Variants in CRTC3 observed in about 807,000 individuals in gnomAD.
The protein encoded by CRTC3 is CREB-regulated transcription coactivator 3.
In CRTC3, 26 loss-of-function variants were observed where a neutral mutation model predicts 74.5. The observed-to-expected ratio is 0.35, with a 90% CI of 0.26 to 0.48. The LOEUF (loss-of-function observed/expected upper bound fraction) is 0.48. Ranked by LOEUF, CRTC3 falls within the 20% of genes least tolerant of loss-of-function variation. The pLI is 0.99. For missense variants in CRTC3, 760 were observed against 787.3 expected, an observed-to-expected ratio of 0.97 and a Z score of 0.41; for synonymous variants, 377 against 325.8, an observed-to-expected ratio of 1.16 and a Z score of -1.69.
intron 3 of CRTC3, among the ~76,000 whole-genome samples, chr15:90,601,992 C>T (rs1031870143): frequency 6.6e-6 from 1 of 152,164 alleles, no homozygotes; most frequent in African/African-American, 2.4e-5. Flanking sequence ...GACTAGAATC[C>T]TGGGCCTGGG....
intron 2 of CRTC3, among the ~76,000 whole-genome samples, chr15:90,547,704 A>G (rs1966846718): frequency 6.6e-6 from 1 of 152,074 alleles, no homozygotes; most frequent in African/African-American, 2.4e-5. Flanking sequence ...AGTGGGCATT[A>G]TCTTCTTCTC....
chr15:90,579,800 C>A (rs1022415927), intron 2 of CRTC3, among the ~76,000 whole-genome samples: 1 of 151,974 alleles, frequency 6.6e-6, no homozygotes, highest in African/African-American at 2.4e-5. Flanking sequence ...CGCCACCATG[C>A]CCAGCTAATT....
chr15:90,623,522 T>C (rs923674509), intron 9 of CRTC3, among the ~76,000 whole-genome samples: 1 of 152,074 alleles, frequency 6.6e-6, no homozygotes, highest in Non-Finnish European at 1.5e-5. Flanking sequence ...TGTTCTTGAG[T>C]CCTACTTCCC....
At chr15:90,634,669 C>G (rs933620845) in intron 11 of CRTC3, 3 of 584,454 alleles carry the variant, frequency 5.1e-6, no homozygotes, top group Non-Finnish European at 6.2e-6. Flanking sequence ...CACTGAGGGG[C>G]TGTCTCCTTG....
chr15:90,573,973 T>TA (rs1016985626), intron 2 of CRTC3, among the ~76,000 whole-genome samples: 2 of 152,214 alleles, frequency 1.3e-5, no homozygotes, highest in Admixed American at 6.6e-5. Flanking sequence ...TAGTTGACCA[T>TA]ACACATGTCT....
At chr15:90,584,188 G>A (rs539915120) in intron 2 of CRTC3, among the ~76,000 whole-genome samples, 1 of 151,358 alleles carries the variant, frequency 6.6e-6, no homozygotes, top group East Asian at 1.9e-4. Flanking sequence ...CAAGCTTCAG[G>A]AACCTGCCTT....
intron 9 of CRTC3, among the ~76,000 whole-genome samples, chr15:90,624,001 C>T (rs1968740417): frequency 6.6e-6 from 1 of 152,188 alleles, no homozygotes; most frequent in South Asian, 2.1e-4. Flanking sequence ...GAAGCCTCCC[C>T]AGGTCAGCTG....
chr15:90,537,544 T>C (rs8027179), intron 1 of CRTC3, among the ~76,000 whole-genome samples: 98,262 of 152,110 alleles, frequency 0.65, 32,602 homozygotes, highest in Non-Finnish European at 0.7. Flanking sequence ...CCACCATGCC[T>C]GGCTAATTTT....
chr15:90,610,099 G>C (rs1968322837), intron 6 of CRTC3, among the ~76,000 whole-genome samples: 1 of 152,158 alleles, frequency 6.6e-6, no homozygotes, highest in East Asian at 1.9e-4. Context: ...TATTTCTGGA[G>C]AATTATATTT....
chr15:90,643,183 GGAGT>G lies in CRTC3; in HGVS notation c.*1049_*1052del, dbSNP rs1567201379. The G allele has an allele frequency of 4.3e-6, 1 of 232,520 alleles. No homozygotes were observed. Among genetic ancestry groups the G allele is most frequent in the Non-Finnish European group, 8.5e-6 (1 of 117,648 alleles). 14.4% of individuals were successfully genotyped at this position (232,520 alleles called of 1,614,324 possible). On this transcript the variant is annotated 3_prime_UTR_variant, in exon 15 of 15. Coordinates refer to ENST00000268184, the MANE Select transcript of CRTC3 (RefSeq NM_022769.5). The stretch of plus-strand genomic sequence containing the variant: ...GTGCGTGGCAGCACAGTCGTGTGCT[GGAGT>G]GAGTGCTGCAGAACCGTGCGTGCAG...
At chr15:90,598,754 G>A in intron 3 of CRTC3, 1 of 546,972 alleles carries the variant, frequency 1.8e-6, no homozygotes, top group Non-Finnish European at 3.3e-6. Flanking sequence ...CAAAAGAACT[G>A]TTGGGAGCTG....
chr15:90,575,616 A>G (rs1361385319), intron 2 of CRTC3, among the ~76,000 whole-genome samples: 3 of 152,226 alleles, frequency 2.0e-5, no homozygotes, highest in African/African-American at 7.2e-5. Flanking sequence ...ATCATAAACT[A>G]AATTCTCATA....
At chr15:90,573,378 G>C (rs1967322657) in intron 2 of CRTC3, among the ~76,000 whole-genome samples, 1 of 152,154 alleles carries the variant, frequency 6.6e-6, no homozygotes, top group Non-Finnish European at 1.5e-5. Flanking sequence ...TAATTTGTAT[G>C]AGTTAAATGT....
chr15:90,533,380 C>T (rs1966664236), intron 1 of CRTC3, among the ~76,000 whole-genome samples: 2 of 146,248 alleles, frequency 1.4e-5, no homozygotes, highest in South Asian at 4.3e-4. Flanking sequence ...GAGATCGCGC[C>T]ATTGCACTCC....
chr15:90,583,910 C>T (rs897317433), intron 2 of CRTC3, among the ~76,000 whole-genome samples: 1 of 151,564 alleles, frequency 6.6e-6, no homozygotes, highest in African/African-American at 2.4e-5. Context: ...TTTTTTATTC[C>T]GCTTAGTTTG....
chr15:90,574,367 A>C (rs762176851), intron 2 of CRTC3, among the ~76,000 whole-genome samples: 1 of 152,070 alleles, frequency 6.6e-6, no homozygotes, highest in Non-Finnish European at 1.5e-5. Context: ...AGTCCCAGCT[A>C]CTCAGGAGGC....
At chr15:90,609,590 A>T (rs1968310386) in intron 6 of CRTC3, among the ~76,000 whole-genome samples, 1 of 152,236 alleles carries the variant, frequency 6.6e-6, no homozygotes, top group Non-Finnish European at 1.5e-5. Flanking sequence ...GCCTAGAGAA[A>T]CAAGGCAATC....
intron 2 of CRTC3, among the ~76,000 whole-genome samples, chr15:90,563,621 G>A (rs1967060287): frequency 6.6e-6 from 1 of 152,250 alleles, no homozygotes; most frequent in South Asian, 2.1e-4. Context: ...CCTGGCAGAG[G>A]CATCAGAACT....
At chr15:90,575,038 CA>C (rs1967370417) in intron 2 of CRTC3, among the ~76,000 whole-genome samples, 1 of 152,040 alleles carries the variant, frequency 6.6e-6, no homozygotes, top group African/African-American at 2.4e-5. Flanking sequence ...ACAGACATTA[CA>C]ATTTTTTCAT....
Sources: gnomAD v4.1 joint callset for allele counts (sites outside exome capture counted in the v4.1 genomes callset) on GRCh38, gnomAD v4.1.1 for gene constraint, MANE v1.5 for transcripts, NCBI Gene and HGNC (gene_info 2026-07-23, HGNC 2026-07-21) for gene names.